LRRC7: variants seen among roughly 807,000 people sequenced by gnomAD.
LRRC7 encodes leucine-rich repeat-containing protein 7.
A neutral mutation model predicts 175.7 loss-of-function variants in LRRC7; 23 were observed. The ratio of observed to expected loss-of-function variants is 0.13; its 90% CI spans 0.09 to 0.19. LRRC7 has a LOEUF of 0.19. Ranked by LOEUF, LRRC7 falls within the 10% of genes least tolerant of loss-of-function variation. The probability of loss-of-function intolerance (pLI) is 1.00; values close to 1 mark genes in which losing one functional copy is unlikely to be tolerated. For synonymous variants in LRRC7, 685 were observed against 680.9 expected (o/e 1.01, Z -0.09); for missense variants, 1,354 against 1,904.7 (o/e 0.71, Z 5.38).
intron 8 of LRRC7, among the ~76,000 whole-genome samples, chr1:69,960,322 G>A (rs971066039): frequency 2.0e-5 from 3 of 151,966 alleles, no homozygotes; most frequent in African/African-American, 7.2e-5. Flanking sequence ...GGGGCCAGTG[G>A]TAATACCCCC....
rs951211303 is a variant in LRRC7, at chr1:69,722,132, T to G, written c.101-38059T>G. ...AATAGTTTTCACATATGTAAGCCTA[T>G]GTACACATATATATATATATATTTT... On this transcript the variant is annotated intron_variant, in intron 2 of 26. Transcript: ENST00000651989. Among the ~76,000 whole-genome samples, 13 of 123,554 alleles carry G rather than the reference T, an allele frequency of 1.1e-4. No individual in the cohort carries two copies. In the South Asian group the frequency reaches 1.1e-3, roughly 10 times the overall value. The allele number at this position is 123,554 out of a possible 152,430, so 81.1% of individuals were successfully genotyped here.
At position 70,129,182 on chromosome 1, in the gene LRRC7, G is replaced by T. The variant is rs1225710106; in HGVS notation, c.*7295G>T. ...GAATTGCTTCAACCCAGCAGGCGGA[G>T]GTTGCAGTGAGCTGAGATGGCGCCA... is the stretch of plus-strand genomic sequence containing the variant. On this transcript the variant is annotated 3_prime_UTR_variant, in exon 27 of 27. Coordinates refer to ENST00000651989, the MANE Select transcript of LRRC7 (RefSeq NM_001370785.2). Among the ~76,000 whole-genome samples the T allele has an allele frequency of 6.6e-6, 1 of 151,824 alleles. No homozygotes were observed. The highest frequency in any genetic ancestry group is 1.5e-5 in the Non-Finnish European group (1 of 67,990).
chr1:69,801,360 G>A (rs1289282287), intron 4 of LRRC7, among the ~76,000 whole-genome samples: 1 of 151,428 alleles, frequency 6.6e-6, no homozygotes, highest in East Asian at 1.9e-4. Context: ...TTTTATTTTT[G>A]GGGAGATGCC....
At chr1:70,082,676 T>C (rs1016210768) in intron 24 of LRRC7, among the ~76,000 whole-genome samples, 1 of 151,932 alleles carries the variant, frequency 6.6e-6, no homozygotes, top group Admixed American at 6.6e-5. Context: ...AAAAATGCAT[T>C]TGAGTTTCTG....
chr1:70,070,119 G>A (rs1416938491), intron 23 of LRRC7, among the ~76,000 whole-genome samples: 1 of 151,964 alleles, frequency 6.6e-6, no homozygotes, highest in Non-Finnish European at 1.5e-5. Flanking sequence ...TCAGCCTCCC[G>A]AGTAACTGGG....
chr1:69,856,600 G>A (rs1194186849), intron 7 of LRRC7, among the ~76,000 whole-genome samples: 2 of 152,018 alleles, frequency 1.3e-5, no homozygotes, highest in Admixed American at 6.6e-5. Context: ...ATAACAGGCT[G>A]TGAAATTGAG....
intron 3 of LRRC7, among the ~76,000 whole-genome samples, chr1:69,777,046 A>G (rs1409318005): frequency 6.6e-6 from 1 of 152,112 alleles, no homozygotes; most frequent in Non-Finnish European, 1.5e-5. Context: ...AGAGCCCTAA[A>G]TAATTAAGAG....
intron 7 of LRRC7, among the ~76,000 whole-genome samples, chr1:69,852,384 G>A (rs750874768): frequency 3.3e-5 from 5 of 152,142 alleles, no homozygotes; most frequent in Non-Finnish European, 4.4e-5. Flanking sequence ...AATCCTGTGA[G>A]TACTTGACTG....
At chr1:69,761,554 T>C (rs1671035761) in intron 3 of LRRC7, among the ~76,000 whole-genome samples, 1 of 152,026 alleles carries the variant, frequency 6.6e-6, no homozygotes, top group Non-Finnish European at 1.5e-5. Flanking sequence ...CTGTGTATTG[T>C]GTCATCTGGG....
At chr1:69,691,731 G>A (rs752325740) in intron 2 of LRRC7, among the ~76,000 whole-genome samples, 4 of 149,244 alleles carry the variant, frequency 2.7e-5, no homozygotes, top group African/African-American at 7.4e-5. Context: ...CTGGGAGGTC[G>A]AGGCTGCAGT....
chr1:69,727,457 T>C (rs1667099263), intron 2 of LRRC7, among the ~76,000 whole-genome samples: 2 of 152,232 alleles, frequency 1.3e-5, no homozygotes, highest in African/African-American at 4.8e-5. Flanking sequence ...TAGCTACTTC[T>C]TTTACTTATA....
At position 70,038,982 on chromosome 1, in the gene LRRC7, G is replaced by T. The variant is rs777039171; in HGVS notation, c.3158G>T (p.Gly1053Val). The part of the protein sequence containing the change: ...DEMLTYGSSK[G>V]PQQQKASMTK... ...ATGCTCACCTACGGAAGTAGTAAGG[G>T]GCCACAACAACAAAAAGCTTCTATG... Residue 1053 changes from glycine to valine, a missense_variant, in exon 21 of 27, where the codon GGG becomes GTG. Coordinates refer to ENST00000651989, the MANE Select transcript of LRRC7 (RefSeq NM_001370785.2). 4.3e-6 allele frequency: 7 copies of T among 1,613,794 alleles called. No individual in the cohort carries two copies. Among genetic ancestry groups the T allele is most frequent in the Non-Finnish European group, 5.1e-6 (6 of 1,179,970 alleles).
chr1:69,865,629 C>T (rs1384702254), intron 7 of LRRC7, among the ~76,000 whole-genome samples: 11 of 151,308 alleles, frequency 7.3e-5, no homozygotes, highest in Non-Finnish European at 1.6e-4. Context: ...TACAGGCGCC[C>T]GCCACCATGC....
At chr1:69,905,503 C>T (rs562156916) in intron 7 of LRRC7, among the ~76,000 whole-genome samples, 22 of 152,162 alleles carry the variant, frequency 1.4e-4, no homozygotes, top group African/African-American at 2.2e-4. Flanking sequence ...TGAGAACATG[C>T]GGTGTTTCCT....
chr1:70,022,689 T>TAG (rs1657640370), intron 16 of LRRC7, among the ~76,000 whole-genome samples: 1 of 152,200 alleles, frequency 6.6e-6, no homozygotes, highest in East Asian at 1.9e-4. Context: ...TTGGACAAAT[T>TAG]AGAGCACAAA....
In LRRC7 at chr1:70,089,712, A is replaced by G. The variant is rs369678406; in HGVS notation, c.4453-15A>G. On this transcript the variant is annotated splice_polypyrimidine_tract_variant and intron_variant, in intron 24 of 26. Coordinates refer to ENST00000651989, the MANE Select transcript of LRRC7 (RefSeq NM_001370785.2). The stretch of plus-strand genomic sequence containing the variant: ...GATAACTGTTTACTTACCATTTTAT[A>G]TCTTTTTTACATAGTTTTGTGTGAG... 6.9e-4 allele frequency: 1,053 copies of G among 1,532,850 alleles called. 21 individuals carry two copies. In the South Asian group the frequency reaches 0.012, roughly 17 times the overall value. The allele number at this position is 1,532,850 out of a possible 1,614,324, so 95.0% of individuals were successfully genotyped here. A position where few individuals can be genotyped will look rare whatever the true frequency, so the allele number is the denominator to read the frequency against.
At chr1:70,099,812 G>A (rs1198313148) in intron 25 of LRRC7, among the ~76,000 whole-genome samples, 1 of 152,060 alleles carries the variant, frequency 6.6e-6, no homozygotes, top group African/African-American at 2.4e-5. Context: ...GACTCTGACT[G>A]GATCAGTAAA....
Position 70,143,333 on chromosome 1 carries a change from CCATTAT to C in LRRC7, c.*21447_*21452del, listed in dbSNP as rs1283927574. 2 of 151,816 alleles carry C rather than the reference CCATTAT, an allele frequency of 1.3e-5. No homozygotes were observed. Among genetic ancestry groups the C allele is most frequent in the African/African-American group, 4.8e-5 (2 of 41,394 alleles). 9.4% of individuals were successfully genotyped at this position (151,816 alleles called of 1,614,324 possible). On this transcript the variant is annotated 3_prime_UTR_variant, in exon 27 of 27. Coordinates refer to ENST00000651989, the MANE Select transcript of LRRC7 (RefSeq NM_001370785.2). ...ATTGGGATCTGATTTCAAAGAAATC[CCATTAT>C]ATTATCAAGTCGTTTTCAAATTTAC... is the stretch of plus-strand genomic sequence containing the variant.
chr1:69,634,368 TTA>T lies in LRRC7; in HGVS notation c.3-44007_3-44006del, dbSNP rs1309790364. On this transcript the variant is annotated intron_variant, in intron 1 of 26. Transcript: ENST00000651989. ...GATTTTGAAAACTTTAGATAATACA[TTA>T]TATATTCATGCGGTCTGCAAGATCT... 3.9e-5 allele frequency among the ~76,000 whole-genome samples: 6 copies of T among 152,114 alleles called. No individual in the cohort carries two copies. In the East Asian group the frequency reaches 1.2e-3, roughly 29 times the overall value.
Sources: allele counts gnomAD v4.1 joint callset (sites outside exome capture counted in the v4.1 genomes callset), GRCh38; gene constraint gnomAD v4.1.1; transcripts MANE v1.5; gene names NCBI Gene and HGNC (gene_info 2026-07-23, HGNC 2026-07-21).